The following CCDC138 variants were observed in gnomAD, a reference collection of about 807,000 sequenced individuals.
The protein encoded by CCDC138 is coiled-coil domain-containing protein 138.
A neutral mutation model predicts 82.3 loss-of-function variants in CCDC138; 66 were observed. The observed-to-expected ratio is 0.80, with a 90% CI of 0.66 to 0.98. CCDC138 has a LOEUF of 0.98. Ranked by LOEUF, CCDC138 falls within the 50% of genes least tolerant of loss-of-function variation. The pLI, the probability that CCDC138 is intolerant of heterozygous loss-of-function variation, is 0.00. For missense variants in CCDC138, 816 were observed against 758.9 expected (o/e 1.08, Z -0.88); for synonymous variants, 297 against 265.4 (o/e 1.12, Z -1.16).
intron 10 of CCDC138, among the ~76,000 whole-genome samples, chr2:108,833,219 G>T (rs1171679159): frequency 6.6e-6 from 1 of 152,224 alleles, no homozygotes; most frequent in East Asian, 1.9e-4. Context: ...CTATACAACA[G>T]AGTGAATCCT....
intron 14 of CCDC138, among the ~76,000 whole-genome samples, chr2:108,875,704 A>G (rs1286959125): frequency 6.6e-6 from 1 of 152,028 alleles, no homozygotes; most frequent in Non-Finnish European, 1.5e-5. Context: ...CAAAAAATAA[A>G]CAAAATTAGC....
chr2:108,828,075 A>G (rs1686940465), intron 10 of CCDC138, among the ~76,000 whole-genome samples: 1 of 152,132 alleles, frequency 6.6e-6, no homozygotes, highest in Non-Finnish European at 1.5e-5. Context: ...ATGGAGGAAA[A>G]TAGGAATTAT....
At chr2:108,816,386 G>T (rs1190446824) in intron 10 of CCDC138, among the ~76,000 whole-genome samples, 1 of 152,128 alleles carries the variant, frequency 6.6e-6, no homozygotes, top group Non-Finnish European at 1.5e-5. Flanking sequence ...GGGAGGTGGA[G>T]GTTGCAGTGA....
chr2:108,826,730 A>G (rs1258043893), intron 10 of CCDC138, among the ~76,000 whole-genome samples: 4 of 152,126 alleles, frequency 2.6e-5, no homozygotes, highest in African/African-American at 4.8e-5. Flanking sequence ...TTCTGGGTCA[A>G]TGGCATTTTC....
intron 10 of CCDC138, among the ~76,000 whole-genome samples, chr2:108,830,329 A>G (rs952803975): frequency 6.6e-6 from 1 of 152,230 alleles, no homozygotes; most frequent in Non-Finnish European, 1.5e-5. Flanking sequence ...TTGGGGATGG[A>G]TAGTGATGAT....
intron 7 of CCDC138, among the ~76,000 whole-genome samples, chr2:108,812,209 C>CAT (rs1045947105): frequency 3.3e-5 from 5 of 151,756 alleles, no homozygotes; most frequent in Non-Finnish European, 5.9e-5. Context: ...TCAGTTCTTC[C>CAT]ATATATATAT....
At chr2:108,811,530 A>G (rs980203536) in intron 7 of CCDC138, among the ~76,000 whole-genome samples, 2 of 152,142 alleles carry the variant, frequency 1.3e-5, no homozygotes, top group African/African-American at 4.8e-5. Context: ...GGTGTGAGCT[A>G]CTGCACTCAG....
chr2:108,804,442 A>T (rs1347037828), intron 6 of CCDC138, among the ~76,000 whole-genome samples: 1 of 152,156 alleles, frequency 6.6e-6, no homozygotes, highest in Non-Finnish European at 1.5e-5. Context: ...GAGGACAAGA[A>T]ATTAGTTGGT....
At chr2:108,795,381 T>G (rs1680705901) in intron 5 of CCDC138, among the ~76,000 whole-genome samples, 1 of 151,992 alleles carries the variant, frequency 6.6e-6, no homozygotes, top group Non-Finnish European at 1.5e-5. Flanking sequence ...GTCTTGAACT[T>G]CTGACCTCAG....
At chr2:108,793,433 G>C (rs1680282008) in intron 4 of CCDC138, among the ~76,000 whole-genome samples, 1 of 152,058 alleles carries the variant, frequency 6.6e-6, no homozygotes, top group African/African-American at 2.4e-5. Flanking sequence ...TGCTGGCAAG[G>C]ATATCAAGCA....
intron 6 of CCDC138, among the ~76,000 whole-genome samples, chr2:108,798,816 TACACACACACACACACACACACAC>T (rs61201793): frequency 7.6e-6 from 1 of 131,556 alleles, no homozygotes; most frequent in Non-Finnish European, 1.6e-5. Flanking sequence ...TCTCCACACC[TACACACACACACACACACACACAC>T]ACACACACAC....
At position 108,873,345 on chromosome 2, in the gene CCDC138, C is replaced by A. The variant is rs186521046; in HGVS notation, c.1694-106C>A. ...ATTTAAGTATGAAAAGAATGAAAAT[C>A]TAAATGAATATTTATAAATGCCTCA... On this transcript the variant is annotated intron_variant, in intron 13 of 14. Transcript: ENST00000295124. 4 of 1,052,768 alleles carry A rather than the reference C, an allele frequency of 3.8e-6. No homozygotes were observed. In the Admixed American group the frequency reaches 9.2e-5, roughly 24 times the overall value. 65.2% of individuals were successfully genotyped at this position (1,052,768 alleles called of 1,614,324 possible).
intron 7 of CCDC138, among the ~76,000 whole-genome samples, chr2:108,807,321 T>A (rs1683037053): frequency 6.6e-6 from 1 of 152,182 alleles, no homozygotes; most frequent in Admixed American, 6.5e-5. Context: ...AAATTGAAAT[T>A]TGAAAACTAA....
chr2:108,877,316 G>C (rs932375216), downstream of CCDC138, among the ~76,000 whole-genome samples: 1 of 147,900 alleles, frequency 6.8e-6, no homozygotes, highest in Admixed American at 6.8e-5. Context: ...AAAAAAAACA[G>C]AATTAGCCAG....
At chr2:108,796,206 G>A (rs529253113) in intron 5 of CCDC138, among the ~76,000 whole-genome samples, 3 of 151,824 alleles carry the variant, frequency 2.0e-5, no homozygotes, top group East Asian at 1.9e-4. Context: ...CTGCCACCGC[G>A]CCCGGCTAAT....
intron 13 of CCDC138, among the ~76,000 whole-genome samples, chr2:108,870,552 A>G (rs569081608): frequency 1.3e-5 from 2 of 152,330 alleles, no homozygotes; most frequent in South Asian, 4.1e-4. Context: ...ACATCAAGAC[A>G]CATTATCATG....
Position 108,873,516 on chromosome 2 carries a change from C to T in CCDC138, c.1759C>T (p.Leu587Phe). ...ATTTTTTCGTACTTGCTCTGTGCTG[C>T]TTCGAGCCCCTAAGCTTGATCTTCA... ...SLFFRTCSVL[L>F]RAPKLDLQIL... Residue 587 changes from leucine (L) to phenylalanine (F), a missense_variant, in exon 14 of 15, where the codon CTT (leucine) becomes TTT (phenylalanine). By Grantham distance (22) the Leu-to-Phe change is conservative. Coordinates refer to ENST00000295124, the MANE Select transcript of CCDC138 (RefSeq NM_144978.3). 3 of 1,612,780 alleles carry T rather than the reference C, an allele frequency of 1.9e-6. No individual in the cohort carries two copies. The highest frequency in any genetic ancestry group is 2.5e-6 in the Non-Finnish European group (3 of 1,179,358).
intron 6 of CCDC138, 152 bp from the exon 7 acceptor site, chr2:108,804,737 T>C (rs1682546453): frequency 7.6e-6 from 4 of 524,152 alleles, no homozygotes; most frequent in Non-Finnish European, 1.3e-5. Context: ...TTTTATAAAT[T>C]ACTTGCCACA....
In CCDC138 at chr2:108,798,600, C is replaced by T. The variant is rs768784605; in HGVS notation, c.735+14C>T. On this transcript the variant is annotated intron_variant, in intron 6 of 14. Coordinates refer to ENST00000295124, the MANE Select transcript of CCDC138 (RefSeq NM_144978.3). ...ATTATAAAAGAGGTAACTATATAGC[C>T]TTTGATTTTAGAGTGGTATATTTCT... 7 of 1,557,350 alleles carry T rather than the reference C, an allele frequency of 4.5e-6. No homozygotes were observed. The East Asian group carries it at 6.8e-5, about 15-fold the overall frequency.
Sources: allele counts gnomAD v4.1 joint callset (sites outside exome capture counted in the v4.1 genomes callset), GRCh38; gene constraint gnomAD v4.1.1; transcripts MANE v1.5; gene names NCBI Gene and HGNC (gene_info 2026-07-23, HGNC 2026-07-21).